Variants in JAKMIP1 observed in about 807,000 individuals in gnomAD.
The protein encoded by JAKMIP1 is janus kinase and microtubule-interacting protein 1.
Under a neutral mutation model 113.0 loss-of-function variants are expected in JAKMIP1, and 33 were observed. The ratio of observed to expected loss-of-function variants is 0.29; its 90% CI spans 0.22 to 0.39. JAKMIP1 has a LOEUF of 0.39. Ranked by LOEUF, JAKMIP1 falls within the 10% of genes least tolerant of loss-of-function variation. The pLI is 1.00. For synonymous variants in JAKMIP1, 480 were observed against 459.9 expected (o/e 1.04, Z -0.56); for missense variants, 813 against 1,080.5 (o/e 0.75, Z 3.47).
At chr4:6,085,974 C>G (rs773911761) in intron 3 of JAKMIP1, among the ~76,000 whole-genome samples, 1 of 152,026 alleles carries the variant, frequency 6.6e-6, no homozygotes, top group Non-Finnish European at 1.5e-5. Context: ...AGCTTCTTGG[C>G]AGAGCTGGCT....
In JAKMIP1 at chr4:6,068,252, G is replaced by A. The variant is rs567249713; in HGVS notation, c.1303-3244C>T. Among the ~76,000 whole-genome samples, 69 of 152,270 alleles carry A rather than the reference G, an allele frequency of 4.5e-4. 1 individual carries two copies. The South Asian group carries it at 9.9e-3, about 22-fold the overall frequency. The stretch of plus-strand genomic sequence containing the variant: ...CAGGGCATTAACTACCGATGTTGCC[G>A]CCTGTGTTTAAAGTAGAGCAACCTT... On this transcript the variant is annotated intron_variant, in intron 8 of 20. Transcript: ENST00000409021.
In JAKMIP1 at chr4:6,142,969, A is replaced by T. The variant is rs1371312069; in HGVS notation, c.-147-29972T>A. Among the ~76,000 whole-genome samples the T allele has an allele frequency of 6.6e-6, 1 of 152,168 alleles. No homozygotes were observed. The highest frequency in any genetic ancestry group is 1.5e-5 in the Non-Finnish European group (1 of 68,036). On this transcript the variant is annotated intron_variant, in intron 1 of 20. Transcript: ENST00000409021. This position sits in a 1 kb window ranked among gnomAD's most constrained non-coding sequence, Gnocchi z 5.5. ...GTGTGTTTGTGGCCTCTCATCTCTG[A>T]CTATACTATCAATATGAAAAGAAAA... is the stretch of plus-strand genomic sequence containing the variant.
At chr4:6,054,924 G>T in intron 12 of JAKMIP1, 1 of 448,040 alleles carries the variant, frequency 2.2e-6, no homozygotes, top group South Asian at 1.6e-5. Flanking sequence ...AATGGGATGA[G>T]GGGGTGAGGG....
rs1034025715 is a variant in JAKMIP1 at position 6,197,484 on chromosome 4, G to T, written c.-148+2769C>A. On this transcript the variant is annotated intron_variant, in intron 1 of 20. Coordinates refer to ENST00000409021, the MANE Select transcript of JAKMIP1 (RefSeq NM_001099433.2). The surrounding 1 kb of genome is among the most constrained non-coding windows in gnomAD (Gnocchi z 6.5). ...CCCACACCAACCTAGCCAAAGAGATGCCACTGCCCCCTTTTATACAGGAAA... is the reference window on the plus strand; with the variant it reads ...CCCACACCAACCTAGCCAAAGAGATTCCACTGCCCCCTTTTATACAGGAAA... 6.6e-6 allele frequency among the ~76,000 whole-genome samples: 1 copy of T among 152,182 alleles called. No individual in the cohort carries two copies. The highest frequency in any genetic ancestry group is 6.5e-5 in the Admixed American group (1 of 15,278).
At position 6,029,661 on chromosome 4, in the gene JAKMIP1, G is replaced by A. The variant is rs117350574; in HGVS notation, c.2445+55C>T. The A allele has an allele frequency of 1.6e-3, 1,827 of 1,131,540 alleles. 16 individuals carry two copies. The highest frequency in any genetic ancestry group is 0.014 in the Admixed American group (695 of 51,418). The allele number at this position is 1,131,540 out of a possible 1,614,324, so 70.1% of individuals were successfully genotyped here. On this transcript the variant is annotated intron_variant, in intron 20 of 20. Transcript: ENST00000409021. ...GGACCTTATGAAATAAAATGATTCC[G>A]CACTAACATTTCATGGAAAGAAACC... is the stretch of plus-strand genomic sequence containing the variant.
intron 1 of JAKMIP1, among the ~76,000 whole-genome samples, chr4:6,163,405 C>A (rs773883305): frequency 2.0e-5 from 3 of 152,182 alleles, no homozygotes; most frequent in Non-Finnish European, 4.4e-5. Flanking sequence ...ACATCATGAA[C>A]CATGCCTATA....
At chr4:6,151,196 T>A (rs930493142) in intron 1 of JAKMIP1, among the ~76,000 whole-genome samples, 2 of 152,200 alleles carry the variant, frequency 1.3e-5, no homozygotes, top group Non-Finnish European at 2.9e-5. Context: ...ATGGCCACCA[T>A]GTCTATGTTC....
chr4:6,199,734 G>T lies in JAKMIP1; in HGVS notation c.-148+519C>A, dbSNP rs1356785115. ...GGGCGGCCTCGCCTTCGGGCCCCGC[G>T]CCGCCGGGGCGCGGCCCCCAGCTCC... On this transcript the variant is annotated intron_variant, in intron 1 of 20. Coordinates refer to ENST00000409021, the MANE Select transcript of JAKMIP1 (RefSeq NM_001099433.2). The surrounding 1 kb of genome is among the most constrained non-coding windows in gnomAD (Gnocchi z 5.6). Among the ~76,000 whole-genome samples the T allele has an allele frequency of 6.6e-6, 1 of 151,408 alleles. No individual in the cohort carries two copies. The highest frequency in any genetic ancestry group is 1.5e-5 in the Non-Finnish European group (1 of 67,808).
At chr4:6,041,837 T>G (rs1253643341) in intron 17 of JAKMIP1, among the ~76,000 whole-genome samples, 1 of 152,230 alleles carries the variant, frequency 6.6e-6, no homozygotes, top group East Asian at 1.9e-4. Context: ...TGCATTCACG[T>G]GAGCTCATGA....
At chr4:6,166,500 G>A (rs916559691) in intron 1 of JAKMIP1, among the ~76,000 whole-genome samples, 1 of 152,228 alleles carries the variant, frequency 6.6e-6, no homozygotes, top group Admixed American at 6.5e-5. Flanking sequence ...GAGCCAGGAT[G>A]TGTGCAGGCC....
chr4:6,196,110 C>T (rs1727796409), intron 1 of JAKMIP1, among the ~76,000 whole-genome samples: 1 of 152,226 alleles, frequency 6.6e-6, no homozygotes, highest in Admixed American at 6.5e-5. Context: ...GCCCCCGGCC[C>T]CACTGGGGAG....
chr4:6,177,468 G>A (rs1202359680), intron 1 of JAKMIP1, among the ~76,000 whole-genome samples: 6 of 152,086 alleles, frequency 3.9e-5, no homozygotes, highest in South Asian at 2.1e-4. Flanking sequence ...TGTTTGCCAC[G>A]GCTTCTGCCT....
Position 6,156,667 on chromosome 4 carries a change from A to G in JAKMIP1, c.-148+43586T>C, listed in dbSNP as rs1722270883. On this transcript the variant is annotated intron_variant, in intron 1 of 20. Coordinates refer to ENST00000409021, the MANE Select transcript of JAKMIP1 (RefSeq NM_001099433.2). The surrounding 1 kb of genome is among the most constrained non-coding windows in gnomAD (Gnocchi z 5.0). ...CTTCACCCAGGAAATGTCTGACAGC[A>G]TCCGCTGAGATGTGGGAGCTAAAAT... Among the ~76,000 whole-genome samples the G allele has an allele frequency of 6.6e-6, 1 of 152,226 alleles. No homozygotes were observed. The highest frequency in any genetic ancestry group is 2.1e-4 in the South Asian group (1 of 4,828).
rs867047650 is a variant in JAKMIP1, at chr4:6,142,382, T to G, written c.-147-29385A>C. 3.3e-5 allele frequency among the ~76,000 whole-genome samples: 5 copies of G among 152,220 alleles called. No homozygotes were observed. Among genetic ancestry groups the G allele is most frequent in the Non-Finnish European group, 7.3e-5 (5 of 68,030 alleles). On this transcript the variant is annotated intron_variant, in intron 1 of 20. Transcript: ENST00000409021. This position sits in a 1 kb window ranked among gnomAD's most constrained non-coding sequence, Gnocchi z 5.5. ...GCTTTAAAAGGGCAGTTTCTCGTGT[T>G]CTGTCCTTCCCGAGTCCAGTGTTTT...
In JAKMIP1 at chr4:6,111,746, C is replaced by G. The variant is rs186349694; in HGVS notation, c.129+976G>C. ...CTGCCAGCACCCAACCAGGCACTGT[C>G]CTGACCAGCTCCAAAGCTCAAATCT... On this transcript the variant is annotated intron_variant, in intron 2 of 20. Transcript: ENST00000409021. Among the ~76,000 whole-genome samples the G allele has an allele frequency of 9.2e-5, 14 of 152,324 alleles. No homozygotes were observed. In the East Asian group the frequency reaches 2.7e-3, roughly 29 times the overall value.
rs1722561709 is a variant in JAKMIP1, at chr4:6,158,802, T to C, written c.-148+41451A>G. ...GATGTACACAGGAATTTAAAACACATACTGGGCCGGGCGTGGTGACTCACA... is the reference window on the plus strand; with the variant it reads ...GATGTACACAGGAATTTAAAACACACACTGGGCCGGGCGTGGTGACTCACA... On this transcript the variant is annotated intron_variant, in intron 1 of 20. Coordinates refer to ENST00000409021, the MANE Select transcript of JAKMIP1 (RefSeq NM_001099433.2). This position sits in a 1 kb window ranked among gnomAD's most constrained non-coding sequence, Gnocchi z 5.3. 2.0e-5 allele frequency among the ~76,000 whole-genome samples: 3 copies of C among 152,108 alleles called. 1 individual carries two copies. The highest frequency in any genetic ancestry group is 1.3e-4 in the Admixed American group (2 of 15,264).
In JAKMIP1 at chr4:6,143,295, G is replaced by A. The variant is rs879510156; in HGVS notation, c.-147-30298C>T. Among the ~76,000 whole-genome samples the A allele has an allele frequency of 4.6e-5, 7 of 152,102 alleles. No individual in the cohort carries two copies. Among genetic ancestry groups the A allele is most frequent in the Admixed American group, 3.9e-4 (6 of 15,284 alleles). On this transcript the variant is annotated intron_variant, in intron 1 of 20. Transcript: ENST00000409021. The surrounding 1 kb of genome is among the most constrained non-coding windows in gnomAD (Gnocchi z 4.9). ...CTAAAAGCTTTATGAACAGACTTGG[G>A]GGCTTCCTGACTTCCTGTCTGAATC...
intron 1 of JAKMIP1, among the ~76,000 whole-genome samples, chr4:6,151,653 T>C (rs1474884980): frequency 6.6e-6 from 1 of 152,216 alleles, no homozygotes; most frequent in Non-Finnish European, 1.5e-5. Flanking sequence ...TCCTCCTGGC[T>C]GGAACCACCT....
chr4:6,068,470 G>A (rs1038813393), intron 8 of JAKMIP1, among the ~76,000 whole-genome samples: 4 of 152,040 alleles, frequency 2.6e-5, no homozygotes, highest in Non-Finnish European at 5.9e-5. Context: ...GCCAGGCACG[G>A]CACACACAGA....
Sources: gnomAD v4.1 joint callset for allele counts (sites outside exome capture counted in the v4.1 genomes callset) on GRCh38, gnomAD v4.1.1 for gene constraint, Gnocchi (gnomAD v3.1) non-coding constraint, MANE v1.5 for transcripts, NCBI Gene and HGNC (gene_info 2026-07-23, HGNC 2026-07-21) for gene names.